The following GPHN variants were observed in gnomAD, a reference collection of about 807,000 sequenced individuals.
GPHN encodes gephyrin.
In GPHN, 17 loss-of-function variants were observed where a neutral mutation model predicts 95.5. The ratio of observed to expected loss-of-function variants is 0.18; its 90% confidence interval spans 0.12 to 0.27. The LOEUF (loss-of-function observed/expected upper bound fraction) is 0.27, where lower values mean the gene tolerates loss of function less well. GPHN is among the 10% of genes least tolerant of loss of function. The pLI is 1.00. For synonymous variants in GPHN, 320 were observed against 322.5 expected (o/e 0.99, Z 0.08); for missense variants, 660 against 978.1 (o/e 0.67, Z 4.34).
intron 8 of GPHN, among the ~76,000 whole-genome samples, chr14:66,957,404 C>T (rs1350864744): frequency 6.6e-6 from 1 of 151,732 alleles, no homozygotes; most frequent in African/African-American, 2.4e-5. Context: ...CCGTGTTGAC[C>T]AGGCTGGTCT....
At chr14:66,665,491 A>G (rs2065899439) in intron 1 of GPHN, among the ~76,000 whole-genome samples, 1 of 152,228 alleles carries the variant, frequency 6.6e-6, no homozygotes, top group African/African-American at 2.4e-5. Flanking sequence ...CAACAGACAC[A>G]TGAAAAAATG....
chr14:67,317,019 G>C, the GPHN span: 1 of 724,780 alleles, frequency 1.4e-6, no homozygotes, highest in Admixed American at 2.9e-5. Context: ...TGATACAAGA[G>C]GCAAAACTGA....
In GPHN at chr14:66,608,039, G is replaced by GGTT. The variant is rs199633517; in HGVS notation, c.65-73067_65-73065dup. Among the ~76,000 whole-genome samples the GGTT allele has an allele frequency of 9.3e-3, 190 of 20,324 alleles. 1 individual carries two copies. The highest frequency in any genetic ancestry group is 0.044 in the African/African-American group (145 of 3,298). The allele number at this position is 20,324 out of a possible 152,430, so 13.3% of individuals were successfully genotyped here. ...ATTTCTTTTCTTTTATTAGCTTTGTGGTTTTTTTTTTTTTTCTAGTTCCTC... is the reference window on the plus strand; with the variant it reads ...ATTTCTTTTCTTTTATTAGCTTTGTGGTTGTTTTTTTTTTTTTTCTAGTTCCTC... On this transcript the variant is annotated intron_variant, in intron 1 of 22. Coordinates refer to ENST00000478722, the MANE Select transcript of GPHN (RefSeq NM_020806.5).
At chr14:67,157,903 G>A (rs1392226466) in intron 18 of GPHN, among the ~76,000 whole-genome samples, 2 of 151,882 alleles carry the variant, frequency 1.3e-5, no homozygotes, top group Admixed American at 6.6e-5. Flanking sequence ...AGGAAGGAAG[G>A]AGTCTTGCTA....
chr14:67,335,105 T>C, the GPHN span: 1 of 149,956 alleles, frequency 6.7e-6, no homozygotes, highest in Non-Finnish European at 1.5e-5. Context: ...CATGCCATAC[T>C]TTTAGGAAGT....
At chr14:66,603,187 A>C (rs958718215) in intron 1 of GPHN, among the ~76,000 whole-genome samples, 32 of 152,064 alleles carry the variant, frequency 2.1e-4, no homozygotes, top group Admixed American at 1.6e-3. Context: ...AGGATTTTGA[A>C]ATCTTTTAAC....
chr14:67,180,725 C>T, intron 22 of GPHN, 79 bp from the exon 23 acceptor site: 1 of 1,394,498 alleles, frequency 7.2e-7, no homozygotes, highest in South Asian at 1.2e-5. Context: ...TGTCTGTTTA[C>T]ATTTTGAAAA....
chr14:67,639,698 A>C, the GPHN span, among the ~76,000 whole-genome samples: 1 of 152,154 alleles, frequency 6.6e-6, no homozygotes, highest in Non-Finnish European at 1.5e-5. Flanking sequence ...AGGCAGGTGG[A>C]TCACTTGCGG....
At chr14:66,583,378 T>A (rs1197947475) in intron 1 of GPHN, among the ~76,000 whole-genome samples, 1 of 152,128 alleles carries the variant, frequency 6.6e-6, no homozygotes, top group Non-Finnish European at 1.5e-5. Context: ...GTGCAGAAGC[T>A]CTTTAGTTTA....
At chr14:66,983,459 GTAT>G (rs2070814400) in intron 9 of GPHN, among the ~76,000 whole-genome samples, 2 of 151,948 alleles carry the variant, frequency 1.3e-5, no homozygotes, top group East Asian at 1.9e-4. Context: ...TCAGTATTAG[GTAT>G]TATTGTTACC....
At chr14:66,673,708 C>A (rs1183484994) in intron 1 of GPHN, among the ~76,000 whole-genome samples, 1 of 152,168 alleles carries the variant, frequency 6.6e-6, no homozygotes, top group Non-Finnish European at 1.5e-5. Flanking sequence ...TTAAGAAGAT[C>A]TCAGTTTCTG....
the GPHN span, among the ~76,000 whole-genome samples, chr14:67,728,885 T>C: frequency 6.6e-6 from 1 of 152,220 alleles, no homozygotes; most frequent in African/African-American, 2.4e-5. Flanking sequence ...TGATTGATAC[T>C]ACTCACTACA....
chr14:67,660,350 C>T, the GPHN span, among the ~76,000 whole-genome samples: 155 of 152,054 alleles, frequency 1.0e-3, 1 homozygote, highest in Non-Finnish European at 1.7e-3. Flanking sequence ...TTTGGGAAGC[C>T]GAGGCAGGAG....
At chr14:67,354,403 T>C in the GPHN span, among the ~76,000 whole-genome samples, 3 of 152,212 alleles carry the variant, frequency 2.0e-5, no homozygotes, top group East Asian at 5.8e-4. Flanking sequence ...TCCACTAATA[T>C]ATATCAAAAT....
the GPHN span, chr14:67,198,885 G>A: frequency 1.5e-6 from 1 of 683,450 alleles, no homozygotes; most frequent in South Asian, 1.5e-5. Context: ...AATGATAGGG[G>A]TCATACCTCT....
At chr14:66,614,548 T>C (rs1042250861) in intron 1 of GPHN, among the ~76,000 whole-genome samples, 1 of 151,130 alleles carries the variant, frequency 6.6e-6, no homozygotes, top group East Asian at 2.0e-4. Context: ...ATATTAATAG[T>C]AATTATATTC....
intron 10 of GPHN, among the ~76,000 whole-genome samples, chr14:67,030,169 A>G (rs1040471822): frequency 6.6e-6 from 1 of 151,756 alleles, no homozygotes; most frequent in Non-Finnish European, 1.5e-5. Context: ...TTTTTTTCCA[A>G]TTGTCTGTTG....
intron 4 of GPHN, among the ~76,000 whole-genome samples, chr14:66,857,042 AAAG>A (rs2062834085): frequency 6.6e-6 from 1 of 152,170 alleles, no homozygotes; most frequent in South Asian, 2.1e-4. Context: ...AAGACAGAAA[AAAG>A]AAAAAGATAG....
the GPHN span, among the ~76,000 whole-genome samples, chr14:67,630,497 G>A: frequency 2.0e-5 from 3 of 152,290 alleles, no homozygotes; most frequent in Admixed American, 1.3e-4. Flanking sequence ...TGCGGGACAC[G>A]GTTCTGCTTA....
Sources: gnomAD v4.1 joint callset for allele counts (sites outside exome capture counted in the v4.1 genomes callset) on GRCh38, gnomAD v4.1.1 for gene constraint, MANE v1.5 for transcripts, NCBI Gene and HGNC (gene_info 2026-07-23, HGNC 2026-07-21) for gene names.